CDC14B: variants seen among roughly 807,000 people sequenced by gnomAD.
CDC14B encodes dual specificity protein phosphatase CDC14B.
CDC14B carries 22 observed loss-of-function variants against 64.2 expected under a neutral mutation model. The observed-to-expected ratio is 0.34, with a 90% CI of 0.24 to 0.49. The LOEUF (loss-of-function observed/expected upper bound fraction) is 0.49. Among genes scored for constraint, CDC14B ranks in the 20% least tolerant of loss-of-function variants. The pLI, the probability that CDC14B is intolerant of heterozygous loss-of-function variation, is 0.99. For synonymous variants in CDC14B, 191 were observed against 215.8 expected (o/e 0.89, Z 1.01); for missense variants, 498 against 629.9 (o/e 0.79, Z 2.24).
At chr9:96,561,387 G>A (rs1048979906) in intron 4 of CDC14B, among the ~76,000 whole-genome samples, 6 of 152,188 alleles carry the variant, frequency 3.9e-5, no homozygotes, top group Admixed American at 2.0e-4. Context: ...CTATACTCCA[G>A]AAAATAATTT....
chr9:96,521,998 T>C (rs1029422332), intron 12 of CDC14B, among the ~76,000 whole-genome samples: 2 of 152,210 alleles, frequency 1.3e-5, no homozygotes, highest in African/African-American at 2.4e-5. Context: ...ACATTTCCTA[T>C]TCTCAGGCTA....
At chr9:96,553,338 TTC>T (rs1391415227) in intron 4 of CDC14B, among the ~76,000 whole-genome samples, 1 of 151,546 alleles carries the variant, frequency 6.6e-6, no homozygotes, top group East Asian at 1.9e-4. Context: ...ACTGGCCTGT[TTC>T]TGTTTCTTTC....
At position 96,523,215 on chromosome 9, in the gene CDC14B, A is replaced by T. The variant is rs910812805; in HGVS notation, c.1245+46T>A. 1.9e-6 allele frequency: 3 copies of T among 1,596,154 alleles called. No individual in the cohort carries two copies. In the African/African-American group the frequency reaches 4.0e-5, roughly 21 times the overall value. ...CTCCATACCCTGACAGGTTCTCAAT[A>T]GCAGTTAAAGCAGTAACAACATCGC... On this transcript the variant is annotated intron_variant, in intron 11 of 13. Transcript: ENST00000375241.
At chr9:96,527,100 C>T (rs1286431146) in intron 9 of CDC14B, among the ~76,000 whole-genome samples, 1 of 152,104 alleles carries the variant, frequency 6.6e-6, no homozygotes, top group East Asian at 1.9e-4. Flanking sequence ...ATGTTTAAGA[C>T]AGTTATTTTA....
intron 1 of CDC14B, among the ~76,000 whole-genome samples, chr9:96,582,251 C>T (rs1173139743): frequency 1.3e-5 from 2 of 152,206 alleles, no homozygotes; most frequent in Non-Finnish European, 2.9e-5. Context: ...AAGACCTATG[C>T]TAACATTCTT....
chr9:96,529,357 T>C (rs937150679), intron 9 of CDC14B, among the ~76,000 whole-genome samples: 1 of 152,208 alleles, frequency 6.6e-6, no homozygotes, highest in African/African-American at 2.4e-5. Flanking sequence ...GAGTGGTTTC[T>C]GTATCCTTCT....
At chr9:96,602,977 T>C (rs552308289) in intron 1 of CDC14B, among the ~76,000 whole-genome samples, 183 of 152,146 alleles carry the variant, frequency 1.2e-3, no homozygotes, top group Middle Eastern at 6.8e-3. Flanking sequence ...TTAGAGAAGC[T>C]TGAAACCATC....
At chr9:96,584,567 T>A (rs1377184641) in intron 1 of CDC14B, among the ~76,000 whole-genome samples, 1 of 152,216 alleles carries the variant, frequency 6.6e-6, no homozygotes, top group African/African-American at 2.4e-5. Context: ...AATTTTTCCA[T>A]CTAAATAAGC....
intron 1 of CDC14B, among the ~76,000 whole-genome samples, chr9:96,611,825 T>C (rs886918102): frequency 2.0e-5 from 3 of 152,204 alleles, no homozygotes; most frequent in African/African-American, 4.8e-5. Context: ...TGAAACACTA[T>C]TTTAAAACAT....
intron 5 of CDC14B, among the ~76,000 whole-genome samples, chr9:96,546,253 C>A (rs1234519126): frequency 1.3e-5 from 2 of 152,138 alleles, no homozygotes; most frequent in East Asian, 3.9e-4. Flanking sequence ...ATACCTTCCA[C>A]AACACAGGTA....
chr9:96,562,138 T>C (rs1843292431), intron 4 of CDC14B, among the ~76,000 whole-genome samples: 1 of 152,244 alleles, frequency 6.6e-6, no homozygotes, highest in African/African-American at 2.4e-5. Context: ...GGCATATGTA[T>C]GTAATCCGTG....
At chr9:96,520,899 G>GCTGC (rs1052497297) in intron 12 of CDC14B, among the ~76,000 whole-genome samples, 3 of 151,600 alleles carry the variant, frequency 2.0e-5, no homozygotes, top group Non-Finnish European at 2.9e-5. Flanking sequence ...GCTCGAGGGT[G>GCTGC]CTGCCTGCCT....
At chr9:96,517,057 C>T (rs114442254) in intron 12 of CDC14B, among the ~76,000 whole-genome samples, 7,795 of 150,678 alleles carry the variant, frequency 0.052, 687 homozygotes, top group African/African-American at 0.18. Context: ...AAACAGGGGT[C>T]GGCCGGGCGC....
At chr9:96,618,466 G>C (rs746595226) in intron 1 of CDC14B, 1 of 533,026 alleles carries the variant, frequency 1.9e-6, no homozygotes, top group African/African-American at 1.9e-5. Context: ...AGCACTAACA[G>C]AACAGCTATC....
chr9:96,561,766 C>T (rs1587977047), intron 4 of CDC14B, among the ~76,000 whole-genome samples: 2 of 151,954 alleles, frequency 1.3e-5, no homozygotes, highest in African/African-American at 2.4e-5. Flanking sequence ...GGATTACAGG[C>T]GTAAGCCACT....
chr9:96,613,254 A>G (rs1847429787), intron 1 of CDC14B, among the ~76,000 whole-genome samples: 1 of 152,234 alleles, frequency 6.6e-6, no homozygotes, highest in Non-Finnish European at 1.5e-5. Context: ...GAAATTTCCA[A>G]GAAATGTCAC....
chr9:96,549,977 A>G (rs1417566331), intron 5 of CDC14B, among the ~76,000 whole-genome samples: 1 of 152,236 alleles, frequency 6.6e-6, no homozygotes, highest in Non-Finnish European at 1.5e-5. Context: ...GAAATGTGTG[A>G]GCATGTTCCT....
intron 2 of CDC14B, 53 bp from the exon 3 acceptor site, chr9:96,564,905 A>C: frequency 8.2e-7 from 1 of 1,225,534 alleles, no homozygotes; most frequent in South Asian, 1.4e-5. Flanking sequence ...CTCTGAATAT[A>C]AATGCCTTTT....
intron 1 of CDC14B, among the ~76,000 whole-genome samples, chr9:96,580,355 C>T (rs543606368): frequency 1.3e-4 from 20 of 151,894 alleles, no homozygotes; most frequent in Non-Finnish European, 2.5e-4. Flanking sequence ...CCTCAGCCTC[C>T]CGAGTAGCTG....
Sources: allele counts gnomAD v4.1 joint callset (sites outside exome capture counted in the v4.1 genomes callset), GRCh38; gene constraint gnomAD v4.1.1; transcripts MANE v1.5; gene names NCBI Gene and HGNC (gene_info 2026-07-23, HGNC 2026-07-21).